MCM8: variants seen among roughly 807,000 people sequenced by gnomAD.
MCM8 encodes DNA helicase MCM8.
A neutral mutation model predicts 98.9 loss-of-function variants in MCM8; 85 were observed. That is an observed-to-expected ratio of 0.86 (90% CI 0.72 to 1.03). The LOEUF (loss-of-function observed/expected upper bound fraction) is 1.03. Among genes scored for constraint, MCM8 ranks in the 50% least tolerant of loss-of-function variants. MCM8 has a pLI of 0.00. For synonymous variants in MCM8, 352 were observed against 338.6 expected, an observed-to-expected ratio of 1.04 and a Z score of -0.44; for missense variants, 951 against 997.8, an observed-to-expected ratio of 0.95 and a Z score of 0.63.
At chr20:5,988,835 G>GC (rs750852358) in intron 17 of MCM8, among the ~76,000 whole-genome samples, 2 of 152,152 alleles carry the variant, frequency 1.3e-5, no homozygotes, top group Non-Finnish European at 2.9e-5. Context: ...TCTGAGGTTT[G>GC]CGTGGTGTCA....
At chr20:5,985,718 G>C (rs574866115) in intron 15 of MCM8, among the ~76,000 whole-genome samples, 125 of 152,046 alleles carry the variant, frequency 8.2e-4, no homozygotes, top group Non-Finnish European at 1.8e-4. Context: ...GCTAATTTTT[G>C]TATTTTTGGT....
At chr20:5,966,710 A>G (rs2089282747) in intron 8 of MCM8, among the ~76,000 whole-genome samples, 1 of 151,996 alleles carries the variant, frequency 6.6e-6, no homozygotes, top group Non-Finnish European at 1.5e-5. Context: ...GGTTTGGGCT[A>G]TCAGATTTTG....
intron 5 of MCM8, among the ~76,000 whole-genome samples, chr20:5,955,547 A>G (rs879871697): frequency 9.2e-5 from 14 of 152,338 alleles, no homozygotes; most frequent in Middle Eastern, 3.4e-3. Flanking sequence ...TCAAGAAGTT[A>G]TACAATCTCA....
chr20:5,955,043 G>A (rs921824959), intron 4 of MCM8, 59 bp from the exon 5 acceptor site: 1 of 1,210,146 alleles, frequency 8.3e-7, no homozygotes, highest in Non-Finnish European at 1.2e-6. Flanking sequence ...AGAATGCTCA[G>A]TTAATGGTAA....
chr20:5,992,937 A>G (rs2089882609), intron 17 of MCM8, among the ~76,000 whole-genome samples: 1 of 152,220 alleles, frequency 6.6e-6, no homozygotes, highest in Admixed American at 6.5e-5. Context: ...TTCAGACTTT[A>G]GCTAAAATTC....
Position 5,992,635 on chromosome 20 carries a change from A to G in MCM8, c.2241-871A>G, listed in dbSNP as rs570913059. Among the ~76,000 whole-genome samples, 12 of 152,296 alleles carry G rather than the reference A, an allele frequency of 7.9e-5. 1 individual carries two copies. The highest frequency in any genetic ancestry group is 4.1e-4 in the South Asian group (2 of 4,828). On this transcript the variant is annotated intron_variant, in intron 17 of 18. Coordinates refer to ENST00000610722, the MANE Select transcript of MCM8 (RefSeq NM_032485.6). ...TTGAATGACTCATTCCTATTTGCAT[A>G]ACGTAGGCTTTTAACTATTCAAGGA...
Position 5,982,979 on chromosome 20 carries a change from G to T in MCM8, c.1547G>T (p.Gly516Val). 1 of 1,609,566 alleles carries T rather than the reference G, an allele frequency of 6.2e-7. No homozygotes were observed. Among genetic ancestry groups the T allele is most frequent in the Non-Finnish European group, 8.5e-7 (1 of 1,178,816 alleles). ...TCTACTTCGATTGTAGGTATTTGTGGAATCGATGAATTTGATAAGATGGGG... is the reference window on the plus strand; with the variant it reads ...TCTACTTCGATTGTAGGTATTTGTGTAATCGATGAATTTGATAAGATGGGG... ...ALVLGDQGIC[G>V]IDEFDKMGNQ... Residue 516 changes from glycine to valine, a missense_variant, in exon 14 of 19, where the codon GGA becomes GTA. Physicochemically the swap from Gly to Val is moderately radical, Grantham distance 109. Coordinates refer to ENST00000610722, the MANE Select transcript of MCM8 (RefSeq NM_032485.6).
At position 5,994,876 on chromosome 20, in the gene MCM8, G is replaced by A; in HGVS notation, c.*485G>A. On this transcript the variant is annotated 3_prime_UTR_variant, in exon 19 of 19. Coordinates refer to ENST00000610722, the MANE Select transcript of MCM8 (RefSeq NM_032485.6). ...GTGAGCCACAATCACACCAATCACTGCACTCCAGCCTGGGCAATAAAGTAA... is the reference window on the plus strand; with the variant it reads ...GTGAGCCACAATCACACCAATCACTACACTCCAGCCTGGGCAATAAAGTAA... 3.8e-6 allele frequency: 1 copy of A among 264,422 alleles called. No homozygotes were observed. The highest frequency in any genetic ancestry group is 7.7e-6 in the Non-Finnish European group (1 of 130,700). The allele number at this position is 264,422 out of a possible 1,614,324, so 16.4% of individuals were successfully genotyped here.
intron 3 of MCM8, among the ~76,000 whole-genome samples, chr20:5,953,132 CAA>C (rs1199031462): frequency 6.6e-6 from 1 of 152,208 alleles, no homozygotes; most frequent in African/African-American, 2.4e-5. Flanking sequence ...GAGTTGGAAA[CAA>C]GAATAAATTC....
rs926577182 is a variant in MCM8 at position 5,962,352 on chromosome 20, CTTTTTTTTTTTTTTTTTTT to C, written c.790-907_790-889del. On this transcript the variant is annotated intron_variant, in intron 7 of 18. Transcript: ENST00000610722. Reference sequence around the variant, plus strand: ...CAGGAGAAGGAATTAGCCTTCATTTCTTTTTTTTTTTTTTTTTTTTTTTTTTTTTTTTTGAGACGGAGTC... The same window carrying C: ...CAGGAGAAGGAATTAGCCTTCATTTCTTTTTTTTTTTTTTGAGACGGAGTC... Among the ~76,000 whole-genome samples, 9 of 40,580 alleles carry C rather than the reference CTTTTTTTTTTTTTTTTTTT, an allele frequency of 2.2e-4. 1 individual carries two copies. Among genetic ancestry groups the C allele is most frequent in the South Asian group, 1.1e-3 (1 of 932 alleles). 26.6% of individuals were successfully genotyped at this position (40,580 alleles called of 152,430 possible).
At chr20:5,986,329 C>G (rs192239016) in intron 16 of MCM8, among the ~76,000 whole-genome samples, 198 bp downstream of exon 16, 194 of 152,262 alleles carry the variant, frequency 1.3e-3, no homozygotes, top group African/African-American at 4.5e-3. Flanking sequence ...TCTTTCTAGT[C>G]ACAGAATCAA....
chr20:5,960,796 G>A (rs1038518464), intron 7 of MCM8, among the ~76,000 whole-genome samples: 7 of 152,114 alleles, frequency 4.6e-5, no homozygotes, highest in African/African-American at 4.8e-5. Context: ...TTAGCCAGAC[G>A]TGGTGGCACA....
At chr20:5,954,332 A>G (rs1332420318) in intron 3 of MCM8, among the ~76,000 whole-genome samples, 2 of 152,194 alleles carry the variant, frequency 1.3e-5, no homozygotes, top group Non-Finnish European at 2.9e-5. Flanking sequence ...CTGAACTAAC[A>G]TGTCCTATTA....
chr20:5,984,932 A>T lies in MCM8; in HGVS notation c.1885A>T (p.Asn629Tyr), dbSNP rs773378328. 1.9e-6 allele frequency: 3 copies of T among 1,614,174 alleles called. No homozygotes were observed. Among genetic ancestry groups the T allele is most frequent in the Non-Finnish European group, 2.5e-6 (3 of 1,180,020 alleles). The change falls in exon 15 of 19, where the codon AAT (asparagine) becomes TAT (tyrosine). Residue 629 changes from asparagine to tyrosine, a missense_variant. Asn to Tyr is a moderately radical substitution (Grantham distance 143, BLOSUM62 -2). Coordinates refer to ENST00000610722, the MANE Select transcript of MCM8 (RefSeq NM_032485.6). ...TISSATVARMNSQDSNTSVLE... is the reference protein window; with the variant it reads ...TISSATVARMYSQDSNTSVLE... ...TAGCAGTGCCACAGTAGCTCGTATG[A>T]ATAGTCAAGATTCAAATACTTCCGT...
In MCM8 at chr20:5,987,106, C is replaced by T. The variant is rs180677095; in HGVS notation, c.2164-176C>T. On this transcript the variant is annotated intron_variant, in intron 16 of 18. Coordinates refer to ENST00000610722, the MANE Select transcript of MCM8 (RefSeq NM_032485.6). ...CCTCCCAAAGTGCTGGGTTTATAGG[C>T]GTGAGCCACCACCCCCAGCCCAGAG... 1.5e-3 allele frequency among the ~76,000 whole-genome samples: 224 copies of T among 152,332 alleles called. 1 individual carries two copies. Among genetic ancestry groups the T allele is most frequent in the Non-Finnish European group, 1.5e-3 (101 of 68,020 alleles).
At position 5,963,307 on chromosome 20, in the gene MCM8, A is replaced by G. The variant is rs758265670; in HGVS notation, c.823A>G (p.Thr275Ala). 4.3e-6 allele frequency: 7 copies of G among 1,614,092 alleles called. No homozygotes were observed. The Admixed American group carries it at 1.2e-4, about 27-fold the overall frequency. The change falls in exon 8 of 19, where the codon ACT becomes GCT. Residue 275 changes from threonine (T) to alanine (A), a missense_variant. Transcript: ENST00000610722. ...PVPVCRGRSF[T>A]ALRSSPLTVT... ...GCCTGTGTGTCGAGGCAGGTCATTTACTGCTCTCCGCAGCTCTCCTCTCAC... is the reference window on the plus strand; with the variant it reads ...GCCTGTGTGTCGAGGCAGGTCATTTGCTGCTCTCCGCAGCTCTCCTCTCAC...
chr20:5,983,696 T>G (rs1205159070), intron 14 of MCM8, among the ~76,000 whole-genome samples: 1 of 151,422 alleles, frequency 6.6e-6, no homozygotes, highest in African/African-American at 2.4e-5. Flanking sequence ...TGAGACGCCA[T>G]GTCAAAAAAA....
intron 7 of MCM8, among the ~76,000 whole-genome samples, chr20:5,959,690 CTTTTTTTTTTTTTT>C (rs61232248): frequency 3.1e-5 from 2 of 65,200 alleles, no homozygotes; most frequent in Admixed American, 2.2e-4. Flanking sequence ...GTAGGCTGTA[CTTTTTTTTTTTTTT>C]TTTTTTTTTT....
At position 5,997,544 on chromosome 20, in the gene MCM8, A is replaced by G. The variant is rs957733344; in HGVS notation, c.*3153A>G. On this transcript the variant is annotated 3_prime_UTR_variant, in exon 19 of 19. Coordinates refer to ENST00000610722, the MANE Select transcript of MCM8 (RefSeq NM_032485.6). The stretch of plus-strand genomic sequence containing the variant: ...TGTCCAGTATGGACTTGAACTACTC[A>G]GCTCAAGCAGTCCTCCCACCTCAGC... 1 of 152,392 alleles carries G rather than the reference A, an allele frequency of 6.6e-6. No individual in the cohort carries two copies. The highest frequency in any genetic ancestry group is 1.5e-5 in the Non-Finnish European group (1 of 68,226). The allele number at this position is 152,392 out of a possible 1,614,324, so 9.4% of individuals were successfully genotyped here.
Sources: allele counts gnomAD v4.1 joint callset (sites outside exome capture counted in the v4.1 genomes callset), GRCh38; gene constraint gnomAD v4.1.1; transcripts MANE v1.5; gene names NCBI Gene and HGNC (gene_info 2026-07-23, HGNC 2026-07-21).